The following PPHLN1 variants were observed in gnomAD, a reference collection of about 807,000 sequenced individuals.
PPHLN1 encodes periphilin-1.
In PPHLN1, 29 loss-of-function variants were observed where a neutral mutation model predicts 51.3. The ratio of observed to expected loss-of-function variants is 0.57; its 90% CI spans 0.42 to 0.77. The LOEUF is 0.77. Ranked by LOEUF, PPHLN1 falls within the 30% of genes least tolerant of loss-of-function variation. PPHLN1 has a pLI of 0.00. For missense variants in PPHLN1, 436 were observed against 438.4 expected (o/e 0.99, Z 0.05); for synonymous variants, 147 against 147.8 (o/e 0.99, Z 0.04).
chr12:42,355,001 T>C (rs2073868913), intron 3 of PPHLN1, among the ~76,000 whole-genome samples, 160 bp from the exon 4 acceptor site: 1 of 152,256 alleles, frequency 6.6e-6, no homozygotes, highest in African/African-American at 2.4e-5. Context: ...GTCAGTCTAC[T>C]CTTTCAGTTG....
At chr12:42,423,053 A>G (rs1566001252) in intron 9 of PPHLN1, among the ~76,000 whole-genome samples, 1 of 151,920 alleles carries the variant, frequency 6.6e-6, no homozygotes, top group Non-Finnish European at 1.5e-5. Context: ...TAGTATGTTC[A>G]TTTTTGTGCA....
intron 4 of PPHLN1, chr12:42,359,398 A>G (rs1449688365): frequency 6.6e-6 from 1 of 152,252 alleles, no homozygotes; most frequent in Non-Finnish European, 1.5e-5. Context: ...TGAATTATAC[A>G]TATTTAACAA....
Position 42,368,478 on chromosome 12 carries a change from G to A in PPHLN1, c.300-6385G>A, listed in dbSNP as rs542213268. Among the ~76,000 whole-genome samples the A allele has an allele frequency of 6.6e-5, 10 of 152,254 alleles. No individual in the cohort carries two copies. In the East Asian group the frequency reaches 1.9e-3, roughly 29 times the overall value. On this transcript the variant is annotated intron_variant, in intron 4 of 9. Coordinates refer to ENST00000358314, the MANE Select transcript of PPHLN1 (RefSeq NM_201439.2). Reference sequence around the variant, plus strand: ...TATAGATACCATTCATGTCAGAATTGCTATGTCTGGAGAGGTTAGGAAAAT... The same window carrying A: ...TATAGATACCATTCATGTCAGAATTACTATGTCTGGAGAGGTTAGGAAAAT...
At chr12:42,446,531 A>G, downstream of PPHLN1, 1 of 1,581,786 alleles carries the variant, frequency 6.3e-7, no homozygotes, top group Non-Finnish European at 8.6e-7. Context: ...GTCGCTTCTT[A>G]GTTAGAAAAG....
intron 3 of PPHLN1, among the ~76,000 whole-genome samples, chr12:42,353,254 C>T (rs79620492): frequency 0.012 from 1,856 of 152,176 alleles, 34 homozygotes; most frequent in African/African-American, 0.041. Context: ...TTCAGTATTC[C>T]TTAGCTAGGT....
chr12:42,425,246 A>ATTTTTT (rs34484756), intron 9 of PPHLN1, among the ~76,000 whole-genome samples: 357 of 124,760 alleles, frequency 2.9e-3, no homozygotes, highest in African/African-American at 5.6e-3. Flanking sequence ...TGCCTGGCTA[A>ATTTTTT]TTTTTTTTTT....
intron 8 of PPHLN1, among the ~76,000 whole-genome samples, chr12:42,396,648 A>AAAAAAAT: frequency 8.3e-6 from 1 of 119,842 alleles, no homozygotes; most frequent in Non-Finnish European, 1.7e-5. Flanking sequence ...AAAAAAAAAA[A>AAAAAAAT]GCTGGGTGTG....
At chr12:42,338,936 T>C (rs1406983357) in intron 2 of PPHLN1, among the ~76,000 whole-genome samples, 1 of 152,142 alleles carries the variant, frequency 6.6e-6, no homozygotes, top group Non-Finnish European at 1.5e-5. Context: ...AAATGACAGG[T>C]GATGGAAGTC....
chr12:42,433,072 C>T, intron 9 of PPHLN1: 1 of 835,866 alleles, frequency 1.2e-6, no homozygotes, highest in African/African-American at 1.7e-5. Context: ...TTTTTTTTGA[C>T]AGTTTTATTT....
At chr12:42,335,759 C>A in intron 1 of PPHLN1, 124 bp from the exon 2 acceptor site, 3 of 319,816 alleles carry the variant, frequency 9.4e-6, no homozygotes, top group East Asian at 4.8e-5. Context: ...TGGTCACTTT[C>A]ATTTTTTTTT....
intron 5 of PPHLN1, among the ~76,000 whole-genome samples, chr12:42,383,268 CTCA>C (rs753663658): frequency 2.0e-5 from 3 of 150,232 alleles, no homozygotes; most frequent in Non-Finnish European, 4.5e-5. Context: ...AGTGTAGATT[CTCA>C]TCATAGTTCA....
At chr12:42,433,321 G>A (rs920658505) in intron 9 of PPHLN1, 2 of 582,530 alleles carry the variant, frequency 3.4e-6, no homozygotes, top group Admixed American at 2.3e-5. Flanking sequence ...TGGCATTCTG[G>A]TTGCCAATTA....
Position 42,352,034 on chromosome 12 carries a change from T to C in PPHLN1, c.222T>C (p.Gly74=). Residue 74 remains glycine, a synonymous_variant, in exon 3 of 10, where the codon GGT becomes GGC. Coordinates refer to ENST00000358314, the MANE Select transcript of PPHLN1 (RefSeq NM_201439.2). ...GRSFSHDRRS[G]PPHRGDESGY... ...GTTTTTCTCATGATCGAAGAAGTGGTCCACCTCACAGAGGAGTATGTAAAT... is the reference window on the plus strand; with the variant it reads ...GTTTTTCTCATGATCGAAGAAGTGGCCCACCTCACAGAGGAGTATGTAAAT... 6.5e-7 allele frequency: 1 copy of C among 1,532,616 alleles called. No individual in the cohort carries two copies. 94.9% of individuals were successfully genotyped at this position (1,532,616 alleles called of 1,614,324 possible).
At chr12:42,390,671 CTTT>C (rs5797794) in intron 7 of PPHLN1, among the ~76,000 whole-genome samples, 3 of 141,038 alleles carry the variant, frequency 2.1e-5, no homozygotes, top group Admixed American at 7.1e-5. Flanking sequence ...TGATTTTTTC[CTTT>C]TTTTTTTTTT....
chr12:42,372,593 G>A (rs151162625), intron 4 of PPHLN1, among the ~76,000 whole-genome samples: 110 of 152,016 alleles, frequency 7.2e-4, no homozygotes, highest in African/African-American at 2.2e-3. Context: ...CCCATTCTTC[G>A]ACAGCCCATT....
At chr12:42,393,755 GA>G (rs1182961694) in intron 8 of PPHLN1, 66 bp downstream of exon 8, 3 of 1,461,838 alleles carry the variant, frequency 2.1e-6, no homozygotes, top group African/African-American at 1.4e-5. Flanking sequence ...AATTATGGGC[GA>G]AAAATATTTG....
At chr12:42,396,765 G>T (rs2078255693) in intron 8 of PPHLN1, among the ~76,000 whole-genome samples, 1 of 151,632 alleles carries the variant, frequency 6.6e-6, no homozygotes, top group Non-Finnish European at 1.5e-5. Flanking sequence ...CCTCCAGGCT[G>T]GGTGACAGAG....
rs779067668 is a variant in PPHLN1, at chr12:42,374,857, T to C, written c.300-6T>C. ...AACTTATTTTATGTTTTTTTTTTTTTCAAAGGGACATGAGAGATGGCTTTA... is the reference window on the plus strand; with the variant it reads ...AACTTATTTTATGTTTTTTTTTTTTCCAAAGGGACATGAGAGATGGCTTTA... On this transcript the variant is annotated splice_polypyrimidine_tract_variant and splice_region_variant and intron_variant, in intron 4 of 9. Coordinates refer to ENST00000358314, the MANE Select transcript of PPHLN1 (RefSeq NM_201439.2). 3.8e-6 allele frequency: 6 copies of C among 1,578,094 alleles called. No individual in the cohort carries two copies. Among genetic ancestry groups the C allele is most frequent in the East Asian group, 4.5e-5 (2 of 44,674 alleles).
rs749353644 is a variant in PPHLN1 at position 42,351,811 on chromosome 12, T to C, written c.73-74T>C. Reference sequence around the variant, plus strand: ...ATTCGATTAAGGGTAAGAACTCCTGTGCTTTTTAAAAACCTTTCCAAAACC... The same window carrying C: ...ATTCGATTAAGGGTAAGAACTCCTGCGCTTTTTAAAAACCTTTCCAAAACC... On this transcript the variant is annotated intron_variant, in intron 2 of 9. Transcript: ENST00000358314. 1.5e-3 allele frequency: 2,001 copies of C among 1,293,206 alleles called. 4 individuals are homozygous for C. The highest frequency in any genetic ancestry group is 3.0e-3 in the Middle Eastern group (14 of 4,596). The allele number at this position is 1,293,206 out of a possible 1,614,324, so 80.1% of individuals were successfully genotyped here.
Sources: allele counts gnomAD v4.1 joint callset (sites outside exome capture counted in the v4.1 genomes callset), GRCh38; gene constraint gnomAD v4.1.1; transcripts MANE v1.5; gene names NCBI Gene and HGNC (gene_info 2026-07-23, HGNC 2026-07-21).